LDLRAD4: variants seen among roughly 807,000 people sequenced by gnomAD.
LDLRAD4 encodes low density lipoprotein receptor class A domain containing 4, also known as low-density lipoprotein receptor class A domain-containing protein 4.
LDLRAD4 carries 5 observed loss-of-function variants against 17.0 expected under a neutral mutation model. The observed-to-expected ratio is 0.29, with a 90% confidence interval of 0.15 to 0.62. The LOEUF is 0.62. Ranked by LOEUF, LDLRAD4 falls within the 20% of genes least tolerant of loss-of-function variation. The pLI, the probability that LDLRAD4 is intolerant of heterozygous loss-of-function variation, is 0.84. For synonymous variants in LDLRAD4, 168 were observed against 171.8 expected (o/e 0.98, Z 0.17); for missense variants, 340 against 424.7 (o/e 0.80, Z 1.75).
At chr18:13,465,271 C>T (rs12966791) in intron 3 of LDLRAD4, among the ~76,000 whole-genome samples, 54,549 of 152,130 alleles carry the variant, frequency 0.36, 10,608 homozygotes, top group Non-Finnish European at 0.44. Context: ...AAACAGCACG[C>T]CCTCTCTTTA....
intron 3 of LDLRAD4, among the ~76,000 whole-genome samples, chr18:13,576,904 C>T (rs1215504707): frequency 6.6e-6 from 1 of 152,248 alleles, no homozygotes; most frequent in Non-Finnish European, 1.5e-5. Context: ...ACGGGAGGAC[C>T]TGGCTTTGAA....
intron 2 of LDLRAD4, among the ~76,000 whole-genome samples, chr18:13,399,651 G>A (rs757332304): frequency 5.9e-5 from 9 of 152,208 alleles, no homozygotes; most frequent in Admixed American, 5.9e-4. Context: ...CCACATGGGC[G>A]TCCCATTTGC....
Position 13,645,768 on chromosome 18 carries a change from C to A in LDLRAD4, c.*111C>A. ...TTTCACATGGTACAAATAAGTAAAA[C>A]CAAATGAGCAAACACGGTCTTTGTT... On this transcript the variant is annotated 3_prime_UTR_variant, in exon 6 of 6. Coordinates refer to ENST00000359446, the Ensembl canonical transcript of LDLRAD4. The surrounding 1 kb of genome is among the most constrained non-coding windows in gnomAD (Gnocchi z 5.7). The A allele has an allele frequency of 1.4e-6, 1 of 740,170 alleles. No homozygotes were observed. The highest frequency in any genetic ancestry group is 2.0e-6 in the Non-Finnish European group (1 of 492,744). The allele number at this position is 740,170 out of a possible 1,614,324, so 45.9% of individuals were successfully genotyped here. A position where few individuals can be genotyped will look rare whatever the true frequency, so the allele number is the denominator to read the frequency against.
At chr18:13,247,251 A>AT (rs1041579189) in intron 1 of LDLRAD4, among the ~76,000 whole-genome samples, 7 of 152,138 alleles carry the variant, frequency 4.6e-5, no homozygotes, top group African/African-American at 1.7e-4. Context: ...ATAATTGTAG[A>AT]TTTTCAGAAG....
chr18:13,308,548 G>T (rs4797759), intron 1 of LDLRAD4, among the ~76,000 whole-genome samples: 146,015 of 152,334 alleles, frequency 0.96, 70,248 homozygotes, highest in Non-Finnish European at 1. Context: ...AAAGGTGGGC[G>T]AAGGTGCCTG....
At chr18:13,435,783 A>G (rs2090615729) in intron 2 of LDLRAD4, among the ~76,000 whole-genome samples, 1 of 152,232 alleles carries the variant, frequency 6.6e-6, no homozygotes, top group South Asian at 2.1e-4. Flanking sequence ...TGTTTCCGTT[A>G]TCTAAGAAGT....
intron 3 of LDLRAD4, among the ~76,000 whole-genome samples, chr18:13,464,102 A>G (rs887704396): frequency 1.3e-5 from 2 of 152,226 alleles, no homozygotes; most frequent in Non-Finnish European, 2.9e-5. Context: ...TGAATGAGCT[A>G]TTTACTGGGT....
chr18:13,582,064 G>C (rs935120520), intron 3 of LDLRAD4, among the ~76,000 whole-genome samples: 1 of 152,092 alleles, frequency 6.6e-6, no homozygotes, highest in African/African-American at 2.4e-5. Flanking sequence ...AATCCAGATT[G>C]GAGTCAGCCC....
chr18:13,531,986 C>T (rs1454321009), intron 3 of LDLRAD4, among the ~76,000 whole-genome samples: 1 of 152,114 alleles, frequency 6.6e-6, no homozygotes, highest in African/African-American at 2.4e-5. Context: ...TTCACACTGA[C>T]CCCCCACCAC....
At chr18:13,224,474 C>CTTTTTTTTTTT (rs10676168) in intron 1 of LDLRAD4, among the ~76,000 whole-genome samples, 34 of 87,874 alleles carry the variant, frequency 3.9e-4, no homozygotes, top group South Asian at 4.7e-4. Flanking sequence ...TTCTTTCTTT[C>CTTTTTTTTTTT]TTTTTTTTTT....
intron 1 of LDLRAD4, among the ~76,000 whole-genome samples, chr18:13,263,269 T>C (rs1488348523): frequency 6.7e-6 from 1 of 149,206 alleles, no homozygotes; most frequent in East Asian, 2.0e-4. Flanking sequence ...CCGAATCCCA[T>C]GCGGCTCTGT....
intron 1 of LDLRAD4, among the ~76,000 whole-genome samples, chr18:13,255,421 G>A (rs974459660): frequency 9.2e-5 from 14 of 152,240 alleles, no homozygotes; most frequent in Non-Finnish European, 1.9e-4. Flanking sequence ...GCAACTCTGT[G>A]CAAAGGCTGT....
At position 13,527,249 on chromosome 18, in the gene LDLRAD4, G is replaced by A. The variant is rs193299449; in HGVS notation, c.181+88865G>A. Among the ~76,000 whole-genome samples, 51 of 152,356 alleles carry A rather than the reference G, an allele frequency of 3.3e-4. No individual in the cohort carries two copies. The East Asian group carries it at 9.4e-3, about 28-fold the overall frequency. ...GTTCTACAGACACTTCATGACAACC[G>A]TCACAGATCAGCCTTAGAGAGTCGT... On this transcript the variant is annotated intron_variant, in intron 3 of 5. Transcript: ENST00000359446.
chr18:13,387,780 A>T lies in LDLRAD4; in HGVS notation c.40+18A>T. On this transcript the variant is annotated intron_variant, in intron 2 of 5. Coordinates refer to ENST00000359446, the Ensembl canonical transcript of LDLRAD4. ...TTTCACAGGTGAGCATGCTCCAGGT[A>T]ATCCGAGGCTTTGCCTCCACTCCTG... is the stretch of plus-strand genomic sequence containing the variant. 6.2e-7 allele frequency: 1 copy of T among 1,611,964 alleles called. No individual in the cohort carries two copies. Among genetic ancestry groups the T allele is most frequent in the South Asian group, 1.1e-5 (1 of 91,058 alleles).
chr18:13,431,255 A>C (rs1237055366), intron 2 of LDLRAD4, among the ~76,000 whole-genome samples: 1 of 152,180 alleles, frequency 6.6e-6, no homozygotes, highest in East Asian at 1.9e-4. Flanking sequence ...TGTCCATTGC[A>C]CTTATTGATA....
intron 1 of LDLRAD4, among the ~76,000 whole-genome samples, chr18:13,272,741 C>T (rs1488225573): frequency 6.6e-6 from 1 of 152,228 alleles, no homozygotes; most frequent in Non-Finnish European, 1.5e-5. Context: ...GGTCACTCTG[C>T]ATGGCAGCCT....
At chr18:13,634,411 T>C (rs557431314) in intron 4 of LDLRAD4, among the ~76,000 whole-genome samples, 1 of 152,328 alleles carries the variant, frequency 6.6e-6, no homozygotes, top group African/African-American at 2.4e-5. Flanking sequence ...TCAATTGCAT[T>C]TATTTTCATG....
In LDLRAD4 at chr18:13,645,455, G is replaced by C; in HGVS notation, c.719G>C (p.Ser240Thr). 1.2e-6 allele frequency: 2 copies of C among 1,613,348 alleles called. No individual in the cohort carries two copies. The highest frequency in any genetic ancestry group is 1.7e-6 in the Non-Finnish European group (2 of 1,179,502). The change falls in exon 6 of 6, where the codon AGC becomes ACC. Residue 240 changes from serine to threonine, a missense_variant. By Grantham distance (58) the Ser-to-Thr change is moderately conservative (BLOSUM62 1). Transcript: ENST00000359446. This position sits in a 1 kb window ranked among gnomAD's most constrained non-coding sequence, Gnocchi z 5.7. ...AGCAGCAACTCGGGCATCAGTGCAA[G>C]CACCTGCAGCAGTAACGGGAGGATG...
At chr18:13,378,272 C>T (rs1050447732) in intron 1 of LDLRAD4, among the ~76,000 whole-genome samples, 13 of 152,212 alleles carry the variant, frequency 8.5e-5, no homozygotes, top group Admixed American at 7.2e-4. Context: ...GTTCCCTGCA[C>T]TCTGTGACAG....
Sources: gnomAD v4.1 joint callset for allele counts (sites outside exome capture counted in the v4.1 genomes callset) on GRCh38, gnomAD v4.1.1 for gene constraint, Gnocchi (gnomAD v3.1) non-coding constraint, MANE v1.5 for transcripts, NCBI Gene and HGNC (gene_info 2026-07-23, HGNC 2026-07-21) for gene names.